ELMO1: variants seen among roughly 807,000 people sequenced by gnomAD.
The protein encoded by ELMO1 is engulfment and cell motility protein 1.
ELMO1 carries 26 observed loss-of-function variants against 98.9 expected under a neutral mutation model. That is an observed-to-expected ratio of 0.26 (90% CI 0.19 to 0.36). The LOEUF (loss-of-function observed/expected upper bound fraction) is 0.36. ELMO1 is among the 10% of genes least tolerant of loss of function. ELMO1 has a pLI of 1.00. For missense variants in ELMO1, 627 were observed against 935.2 expected, an observed-to-expected ratio of 0.67 and a Z score of 4.30; for synonymous variants, 346 against 346.0, an observed-to-expected ratio of 1.00 and a Z score of 0.00.
intron 16 of ELMO1, among the ~76,000 whole-genome samples, chr7:36,994,874 G>A (rs193187988): frequency 4.6e-5 from 7 of 152,300 alleles, no homozygotes; most frequent in Non-Finnish European, 8.8e-5. Flanking sequence ...TAAGATGCTG[G>A]GCACTAGCTG....
intron 5 of ELMO1, chr7:37,270,055 G>T (rs970661017): frequency 6.6e-6 from 1 of 152,108 alleles, no homozygotes; most frequent in Non-Finnish European, 1.5e-5. Context: ...TGAAATAAAA[G>T]GCAAGGTCTA....
intron 16 of ELMO1, among the ~76,000 whole-genome samples, chr7:36,968,866 T>TA (rs199920008): frequency 7.2e-5 from 11 of 151,966 alleles, no homozygotes; most frequent in East Asian, 3.8e-4. Context: ...TATAAATAAT[T>TA]AAAAAAAATA....
chr7:37,165,750 T>C (rs1303627754), intron 13 of ELMO1, among the ~76,000 whole-genome samples: 3 of 152,232 alleles, frequency 2.0e-5, no homozygotes. Flanking sequence ...AGTATTTTAT[T>C]GAGGATTTTT....
At chr7:37,106,280 G>C (rs1357242632) in intron 14 of ELMO1, among the ~76,000 whole-genome samples, 1 of 152,144 alleles carries the variant, frequency 6.6e-6, no homozygotes, top group Non-Finnish European at 1.5e-5. Context: ...AGTATTAAGG[G>C]TGTGGCCTCT....
intron 15 of ELMO1, among the ~76,000 whole-genome samples, chr7:37,030,532 G>A (rs1794823647): frequency 6.6e-6 from 1 of 152,082 alleles, no homozygotes; most frequent in Non-Finnish European, 1.5e-5. Flanking sequence ...ATGGTTCTTA[G>A]TAAGAAAGAC....
chr7:36,941,499 A>G (rs1463278773), intron 16 of ELMO1, among the ~76,000 whole-genome samples: 1 of 152,246 alleles, frequency 6.6e-6, no homozygotes, highest in East Asian at 1.9e-4. Flanking sequence ...CTACAAACAT[A>G]TTAACATCTA....
At chr7:37,333,447 C>A (rs536695021) in intron 2 of ELMO1, among the ~76,000 whole-genome samples, 8 of 152,300 alleles carry the variant, frequency 5.3e-5, no homozygotes, top group African/African-American at 1.9e-4. Context: ...AGAAGAGAAT[C>A]CCACCAGCAC....
chr7:36,949,464 C>T (rs2129103462), intron 16 of ELMO1, among the ~76,000 whole-genome samples: 1 of 151,998 alleles, frequency 6.6e-6, no homozygotes, highest in African/African-American at 2.4e-5. Flanking sequence ...TGTGCATGGC[C>T]ACACCCTCTC....
intron 16 of ELMO1, among the ~76,000 whole-genome samples, chr7:37,012,853 T>A (rs546322974): frequency 4.9e-4 from 75 of 152,236 alleles, no homozygotes; most frequent in Non-Finnish European, 1.5e-4. Context: ...TCACAACACA[T>A]CCATAATCCA....
Position 37,224,908 on chromosome 7 carries a change from G to A in ELMO1, c.672C>T (p.Thr224=), listed in dbSNP as rs771696317. 2.5e-6 allele frequency: 4 copies of A among 1,613,990 alleles called. No individual in the cohort carries two copies. In the East Asian group the frequency reaches 8.9e-5, roughly 36 times the overall value. The change falls in exon 9 of 22, where the codon ACC becomes ACT. Residue 224 remains threonine (T), a synonymous_variant. Transcript: ENST00000310758. ...GCAGGTGTGGAATGAGCTGGCCGATGGTGATCTCCTGCGCCACTTTCTGGT... is the reference window on the plus strand; with the variant it reads ...GCAGGTGTGGAATGAGCTGGCCGATAGTGATCTCCTGCGCCACTTTCTGGT... ...DLYQKVAQEI[T]IGQLIPHLQG... is the part of the protein sequence containing the mutation.
intron 16 of ELMO1, among the ~76,000 whole-genome samples, chr7:36,935,025 G>A (rs1786389700): frequency 6.6e-6 from 1 of 152,176 alleles, no homozygotes; most frequent in South Asian, 2.1e-4. Flanking sequence ...GGCTGTTTGG[G>A]TATTGCCTTT....
chr7:37,191,100 A>G (rs1173121178), intron 13 of ELMO1, among the ~76,000 whole-genome samples: 2 of 151,012 alleles, frequency 1.3e-5, no homozygotes, highest in East Asian at 4.0e-4. Flanking sequence ...GAGGCAGGAG[A>G]ATGGCATGAA....
At chr7:36,914,851 A>G (rs1784580172) in intron 16 of ELMO1, among the ~76,000 whole-genome samples, 2 of 152,200 alleles carry the variant, frequency 1.3e-5, no homozygotes, top group African/African-American at 4.8e-5. Flanking sequence ...TTGGTTTAGA[A>G]TGATCAGACA....
Position 37,139,523 on chromosome 7 carries a change from C to T in ELMO1, c.1087-6289G>A, listed in dbSNP as rs187567778. Among the ~76,000 whole-genome samples, 345 of 152,204 alleles carry T rather than the reference C, an allele frequency of 2.3e-3. 1 individual carries two copies. Among genetic ancestry groups the T allele is most frequent in the African/African-American group, 7.8e-3 (325 of 41,532 alleles). ...ATACCTAACCAGGGAGGTGAAAGAC[C>T]TCTACAAGGAAAACTACAAAACACT... On this transcript the variant is annotated intron_variant, in intron 13 of 21. Transcript: ENST00000310758.
chr7:37,042,144 C>T (rs912741406), intron 15 of ELMO1, among the ~76,000 whole-genome samples: 2 of 147,588 alleles, frequency 1.4e-5, no homozygotes, highest in African/African-American at 5.0e-5. Context: ...AATACAAAAA[C>T]CATCCCACCA....
chr7:37,246,805 T>C (rs1795030431), intron 6 of ELMO1, among the ~76,000 whole-genome samples: 1 of 151,624 alleles, frequency 6.6e-6, no homozygotes, highest in Non-Finnish European at 1.5e-5. Context: ...GACAGATAGA[T>C]AGATAGATAT....
chr7:36,893,331 A>G (rs1805718007), intron 17 of ELMO1, among the ~76,000 whole-genome samples: 1 of 152,202 alleles, frequency 6.6e-6, no homozygotes, highest in Non-Finnish European at 1.5e-5. Flanking sequence ...TCCAAAGTGC[A>G]TCCTGCTTGG....
Position 37,133,217 on chromosome 7 carries a change from G to T in ELMO1, c.1104C>A (p.Ala368=). The T allele has an allele frequency of 6.2e-7, 1 of 1,610,488 alleles. No homozygotes were observed. Among genetic ancestry groups the T allele is most frequent in the South Asian group, 1.1e-5 (1 of 90,410 alleles). The change falls in exon 14 of 22, where the codon GCC becomes GCA. Residue 368 remains alanine, a synonymous_variant. Coordinates refer to ENST00000310758, the MANE Select transcript of ELMO1 (RefSeq NM_014800.11). Reference sequence around the variant, plus strand: ...CAGGTGGAGTCTGCGTGAAGTCCATGGCAGGGTTGACATGATTCTGTGAGT... The same window carrying T: ...CAGGTGGAGTCTGCGTGAAGTCCATTGCAGGGTTGACATGATTCTGTGAGT... The part of the protein sequence containing the change: ...KLGFINHVNP[A]MDFTQTPPGM...
At chr7:36,958,111 A>T (rs58086666) in intron 16 of ELMO1, among the ~76,000 whole-genome samples, 78 of 151,892 alleles carry the variant, frequency 5.1e-4, no homozygotes, top group African/African-American at 1.9e-3. Context: ...CTTGTCCATC[A>T]CCCCATTCAT....
Sources: gnomAD v4.1 joint callset for allele counts (sites outside exome capture counted in the v4.1 genomes callset) on GRCh38, gnomAD v4.1.1 for gene constraint, MANE v1.5 for transcripts, NCBI Gene and HGNC (gene_info 2026-07-23, HGNC 2026-07-21) for gene names.